Variants in FIG4 observed in about 807,000 individuals in gnomAD.
FIG4 encodes the protein FIG4 phosphoinositide 5-phosphatase, also known as polyphosphoinositide phosphatase.
A neutral mutation model predicts 118.6 loss-of-function variants in FIG4; 112 were observed. The observed-to-expected ratio is 0.94, with a 90% CI of 0.81 to 1.11. FIG4 has a LOEUF of 1.11. FIG4 is among the 50% of genes least tolerant of loss of function. The probability of loss-of-function intolerance (pLI) is 0.00; values close to 1 mark genes in which losing one functional copy is unlikely to be tolerated. For missense variants in FIG4, 969 were observed against 1,111.7 expected, an observed-to-expected ratio of 0.87 and a Z score of 1.83; for synonymous variants, 369 against 381.2, an observed-to-expected ratio of 0.97 and a Z score of 0.37.
chr6:109,698,517 G>A (rs1774805585), intron 1 of FIG4, among the ~76,000 whole-genome samples: 1 of 152,176 alleles, frequency 6.6e-6, no homozygotes, highest in East Asian at 1.9e-4. Context: ...CTATGGCCCT[G>A]GCCAGGACCT....
At chr6:109,717,001 A>T (rs1775452722) in intron 3 of FIG4, among the ~76,000 whole-genome samples, 1 of 140,152 alleles carries the variant, frequency 7.1e-6, no homozygotes, top group Admixed American at 7.1e-5. Flanking sequence ...CCTTCTTTGG[A>T]TGACTGCTTT....
chr6:109,691,618 TC>T, intron 1 of FIG4, 117 bp downstream of exon 1: 1 of 974,568 alleles, frequency 1.0e-6, no homozygotes, highest in Non-Finnish European at 1.6e-6. Flanking sequence ...AGTTCCCAAA[TC>T]CCTGTCAAAC....
At position 109,776,976 on chromosome 6, in the gene FIG4, A is replaced by G; in HGVS notation, c.1805A>G (p.Glu602Gly). The G allele has an allele frequency of 6.2e-7, 1 of 1,613,320 alleles. No individual in the cohort carries two copies. The highest frequency in any genetic ancestry group is 8.5e-7 in the Non-Finnish European group (1 of 1,179,330). ...TTCCTGGGAGTTTTCCATCCCACTG[A>G]AGGGAAACCTCATCTCTGGGAGCTC... ...NLFLGVFHPTEGKPHLWELPT... is the reference protein window; with the variant it reads ...NLFLGVFHPTGGKPHLWELPT... Residue 602 changes from glutamate (E) to glycine (G), a missense_variant, in exon 16 of 23, where the codon GAA becomes GGA. This residue lies in a region of FIG4 where 246 missense variants were observed against 354.3 expected (regional missense o/e 0.69). Transcript: ENST00000230124.
At chr6:109,816,499 G>A (rs1249615017) in intron 22 of FIG4, among the ~76,000 whole-genome samples, 1 of 152,184 alleles carries the variant, frequency 6.6e-6, no homozygotes, top group Non-Finnish European at 1.5e-5. Flanking sequence ...AGTATGGACT[G>A]TAGGTAATAA....
intron 22 of FIG4, among the ~76,000 whole-genome samples, chr6:109,822,761 G>GTATA (rs1491293409): frequency 2.2e-4 from 20 of 91,040 alleles, no homozygotes; most frequent in African/African-American, 8.3e-4. Context: ...GATGGTTGAA[G>GTATA]TGTATATATA....
rs1390548875 is a variant in FIG4 at position 109,760,353 on chromosome 6, T to TA, written c.1241_1242insA (p.Pro415SerfsTer14). The TA allele has an allele frequency of 6.2e-7, 1 of 1,613,088 alleles. No individual in the cohort carries two copies. Among genetic ancestry groups the TA allele is most frequent in the Non-Finnish European group, 8.5e-7 (1 of 1,179,084 alleles). On this transcript the variant is annotated frameshift_variant, in exon 11 of 23. Coordinates refer to ENST00000230124, the MANE Select transcript of FIG4 (RefSeq NM_014845.6). LOFTEE classifies it high-confidence loss of function. ...CCTCCTGAGCACACTATTGTTTATA[T>TA]TCCCTGGGACATGGCCAAGTATACC...
At chr6:109,825,009 A>G in intron 22 of FIG4, 79 bp from the exon 23 acceptor site, 4 of 1,349,408 alleles carry the variant, frequency 3.0e-6, no homozygotes, top group Non-Finnish European at 4.2e-6. Flanking sequence ...AGCGACTCTC[A>G]AGTGCTTCTG....
chr6:109,756,785 A>G (rs557257979), intron 10 of FIG4, among the ~76,000 whole-genome samples: 3 of 152,304 alleles, frequency 2.0e-5, no homozygotes, highest in East Asian at 1.9e-4. Context: ...TTTCAGCTCC[A>G]TCAGCTCCTT....
chr6:109,825,182 C>T lies in FIG4; in HGVS notation c.2641C>T (p.Gln881Ter), dbSNP rs369458436. 2.5e-6 allele frequency: 4 copies of T among 1,614,104 alleles called. No homozygotes were observed. The highest frequency in any genetic ancestry group is 3.4e-6 in the Non-Finnish European group (4 of 1,179,956). The part of the protein sequence containing the change: ...KSTEIFQAHI[Q>*]ASQGIMQPLG... ...TACAGAGATCTTCCAAGCCCACATC[C>T]AGGCCAGCCAAGGTATCATGCAGCC... The change falls in exon 23 of 23, where the codon CAG (glutamine) becomes TAG (stop). Residue 881 changes from glutamine (Q) to a stop codon, truncating the protein, a stop_gained. Transcript: ENST00000230124. LOFTEE classifies it high-confidence loss of function.
At position 109,691,399 on chromosome 6, in the gene FIG4, C is replaced by T. The variant is rs1169639035; in HGVS notation, c.-37C>T. On this transcript the variant is annotated 5_prime_UTR_variant, in exon 1 of 23. Transcript: ENST00000230124. ...CGAGTCTCCTGGGGCGGTCCGGAGG[C>T]TCGTGCCCTGTTGTGGGGCCCCCAT... is the stretch of plus-strand genomic sequence containing the variant. 6.5e-7 allele frequency: 1 copy of T among 1,547,260 alleles called. No homozygotes were observed. Among genetic ancestry groups the T allele is most frequent in the African/African-American group, 1.4e-5 (1 of 73,266 alleles).
chr6:109,810,075 G>T (rs1465907439), intron 22 of FIG4, among the ~76,000 whole-genome samples: 1 of 152,120 alleles, frequency 6.6e-6, no homozygotes, highest in Non-Finnish European at 1.5e-5. Flanking sequence ...GGGGCAAGGA[G>T]TCCCAGAACC....
rs1778695410 is a variant in FIG4 at position 109,810,678 on chromosome 6, A to G, written c.2546+13827A>G. 3.3e-5 allele frequency among the ~76,000 whole-genome samples: 5 copies of G among 152,208 alleles called. No homozygotes were observed. In the South Asian group the frequency reaches 1.0e-3, roughly 32 times the overall value. On this transcript the variant is annotated intron_variant, in intron 22 of 22. Coordinates refer to ENST00000230124, the MANE Select transcript of FIG4 (RefSeq NM_014845.6). The stretch of plus-strand genomic sequence containing the variant: ...CTGTTTGTTCACTCATGGAATACTC[A>G]TGCAATAAATTGTTTAGTGCCCTCA...
chr6:109,822,807 A>G (rs866272181), intron 22 of FIG4, among the ~76,000 whole-genome samples: 33 of 134,554 alleles, frequency 2.5e-4, no homozygotes, highest in African/African-American at 8.1e-4. Flanking sequence ...ATATATATAT[A>G]TATATATATA....
intron 22 of FIG4, among the ~76,000 whole-genome samples, chr6:109,798,450 G>A (rs976931671): frequency 6.6e-6 from 1 of 152,220 alleles, no homozygotes. Flanking sequence ...CACTGCAAGA[G>A]GACCTGGTTT....
At chr6:109,789,802 T>TA in intron 19 of FIG4, 125 bp downstream of exon 19, 1 of 715,274 alleles carries the variant, frequency 1.4e-6, no homozygotes, top group Non-Finnish European at 2.5e-6. Flanking sequence ...CTGGGATCAC[T>TA]AAGGTGTTCA....
chr6:109,707,218 T>A (rs1775096041), intron 1 of FIG4, among the ~76,000 whole-genome samples: 1 of 151,958 alleles, frequency 6.6e-6, no homozygotes, highest in Non-Finnish European at 1.5e-5. Flanking sequence ...TTTAACAGAT[T>A]GTTTTGCTCT....
In FIG4 at chr6:109,691,421, C is replaced by T; in HGVS notation, c.-15C>T. 6.4e-7 allele frequency: 1 copy of T among 1,569,626 alleles called. No homozygotes were observed. Among genetic ancestry groups the T allele is most frequent in the African/African-American group, 1.4e-5 (1 of 73,972 alleles). On this transcript the variant is annotated 5_prime_UTR_variant, in exon 1 of 23. Coordinates refer to ENST00000230124, the MANE Select transcript of FIG4 (RefSeq NM_014845.6). Reference sequence around the variant, plus strand: ...AGGCTCGTGCCCTGTTGTGGGGCCCCCATTTGCCGCCGCCATGCCCACGGC... The same window carrying T: ...AGGCTCGTGCCCTGTTGTGGGGCCCTCATTTGCCGCCGCCATGCCCACGGC...
At position 109,715,164 on chromosome 6, in the gene FIG4, A is replaced by G; in HGVS notation, c.153A>G (p.Ile51Met). The change falls in exon 2 of 23, where the codon ATA (isoleucine) becomes ATG (methionine). Residue 51 changes from isoleucine (I) to methionine (M), a missense_variant. Coordinates refer to ENST00000230124, the MANE Select transcript of FIG4 (RefSeq NM_014845.6). ...IDRTEPKDLVIIDDRHVYTQQ... is the reference protein window; with the variant it reads ...IDRTEPKDLVMIDDRHVYTQQ... ...GAACAGAACCAAAAGATTTGGTCAT[A>G]ATTGATGACAGGGTAAGTATCCTCC... 6.3e-7 allele frequency: 1 copy of G among 1,587,260 alleles called. No individual in the cohort carries two copies. The highest frequency in any genetic ancestry group is 8.6e-7 in the Non-Finnish European group (1 of 1,156,238).
chr6:109,825,018 T>G, intron 22 of FIG4, 70 bp from the exon 23 acceptor site: 3 of 1,458,092 alleles, frequency 2.1e-6, no homozygotes, highest in Non-Finnish European at 2.9e-6. Flanking sequence ...CAAGTGCTTC[T>G]GAGACTGCTC....
Sources: gnomAD v4.1 joint callset for allele counts (sites outside exome capture counted in the v4.1 genomes callset) on GRCh38, gnomAD v4.1.1 for gene constraint, gnomAD v4.1.1 regional missense constraint, MANE v1.5 for transcripts, NCBI Gene and HGNC (gene_info 2026-07-23, HGNC 2026-07-21) for gene names.